The following CACNA2D1 variants were observed in gnomAD, a reference collection of about 807,000 sequenced individuals.
CACNA2D1 encodes calcium voltage-gated channel auxiliary subunit alpha2delta 1.
A neutral mutation model predicts 171.5 loss-of-function variants in CACNA2D1; 53 were observed. The ratio of observed to expected loss-of-function variants is 0.31; its 90% CI spans 0.25 to 0.39. The LOEUF is 0.39. Among genes scored for constraint, CACNA2D1 ranks in the 10% least tolerant of loss-of-function variants. The pLI is 1.00. For synonymous variants in CACNA2D1, 442 were observed against 443.1 expected, an observed-to-expected ratio of 1.00 and a Z score of 0.03; for missense variants, 903 against 1,299.8, an observed-to-expected ratio of 0.69 and a Z score of 4.69.
chr7:82,011,177 C>A (rs1378554968), intron 15 of CACNA2D1, among the ~76,000 whole-genome samples: 3 of 152,166 alleles, frequency 2.0e-5, no homozygotes, highest in African/African-American at 7.2e-5. Flanking sequence ...TCTGTCCACT[C>A]AGGGGTGTCC....
intron 1 of CACNA2D1, among the ~76,000 whole-genome samples, chr7:82,388,722 T>A (rs565654320): frequency 6.6e-6 from 1 of 152,334 alleles, no homozygotes; most frequent in South Asian, 2.1e-4. Context: ...TGCTTAAGTT[T>A]ACTGTAACAG....
At chr7:82,363,431 A>G (rs1017703885) in intron 1 of CACNA2D1, among the ~76,000 whole-genome samples, 12 of 151,536 alleles carry the variant, frequency 7.9e-5, no homozygotes, top group African/African-American at 2.9e-4. Flanking sequence ...CTTCCGGCTA[A>G]TTTTTTGTAG....
intron 5 of CACNA2D1, among the ~76,000 whole-genome samples, chr7:82,136,117 C>T (rs1791570779): frequency 6.6e-6 from 1 of 152,070 alleles, no homozygotes; most frequent in East Asian, 1.9e-4. Flanking sequence ...TAAATGTGTA[C>T]ATTAGAGTCA....
chr7:82,130,789 GTCTT>G (rs910306259), intron 5 of CACNA2D1, among the ~76,000 whole-genome samples: 1 of 120,038 alleles, frequency 8.3e-6, no homozygotes, highest in Non-Finnish European at 1.7e-5. Flanking sequence ...TGTTGTTTTT[GTCTT>G]TTTTTTTTTT....
Position 81,950,448 on chromosome 7 carries a change from C to T in CACNA2D1, c.3220G>A (p.Gly1074Arg). The stretch of plus-strand genomic sequence containing the variant: ...AGCCAAAGTAGTAGAAACTGGATTC[C>T]AATGATATACCACAGGGAGGGATTT... ...GLNPSLWYIIGIQFLLLWLVS... is the reference protein window; with the variant it reads ...GLNPSLWYIIRIQFLLLWLVS... Residue 1074 changes from glycine (G) to arginine (R), a missense_variant, in exon 39 of 39, where the codon GGA becomes AGA. This residue lies in a region of CACNA2D1 where 38 missense variants were observed against 29.2 expected (regional missense o/e 1.30). Transcript: ENST00000356860. 6.2e-7 allele frequency: 1 copy of T among 1,612,870 alleles called. No individual in the cohort carries two copies. Among genetic ancestry groups the T allele is most frequent in the Non-Finnish European group, 8.5e-7 (1 of 1,179,546 alleles).
intron 2 of CACNA2D1, among the ~76,000 whole-genome samples, chr7:82,339,692 G>A (rs1428671154): frequency 1.3e-5 from 2 of 152,180 alleles, no homozygotes; most frequent in East Asian, 3.9e-4. Context: ...TGGATCAAAG[G>A]TTTAAGTAGA....
At chr7:82,286,331 C>T (rs970950603) in intron 3 of CACNA2D1, among the ~76,000 whole-genome samples, 1 of 152,052 alleles carries the variant, frequency 6.6e-6, no homozygotes, top group Non-Finnish European at 1.5e-5. Flanking sequence ...CCCTCATACT[C>T]GCTATTTTTC....
At chr7:82,309,179 G>A (rs1029594313) in intron 3 of CACNA2D1, among the ~76,000 whole-genome samples, 1 of 152,132 alleles carries the variant, frequency 6.6e-6, no homozygotes, top group Non-Finnish European at 1.5e-5. Context: ...ACCGAGGCGG[G>A]TGGATCACCT....
At chr7:82,348,313 T>C (rs1047152884) in intron 2 of CACNA2D1, among the ~76,000 whole-genome samples, 29 of 152,208 alleles carry the variant, frequency 1.9e-4, no homozygotes, top group Admixed American at 1.4e-3. Context: ...CAGTGAATCA[T>C]TGCAGATCCC....
At chr7:82,305,938 T>C (rs1813678649) in intron 3 of CACNA2D1, among the ~76,000 whole-genome samples, 1 of 152,170 alleles carries the variant, frequency 6.6e-6, no homozygotes, top group Admixed American at 6.5e-5. Flanking sequence ...TACCCAGGTG[T>C]CTATCTGTGG....
chr7:82,276,195 AT>A (rs1438120271), intron 3 of CACNA2D1, among the ~76,000 whole-genome samples: 3 of 152,186 alleles, frequency 2.0e-5, no homozygotes, highest in African/African-American at 7.2e-5. Flanking sequence ...AGTTTTATTT[AT>A]TTGTTGTTGT....
chr7:82,442,284 T>C (rs1225654519), intron 1 of CACNA2D1, among the ~76,000 whole-genome samples: 1 of 152,218 alleles, frequency 6.6e-6, no homozygotes, highest in Non-Finnish European at 1.5e-5. Context: ...GGACAGCAAG[T>C]AATTCCCAGC....
chr7:82,239,580 TTTTCACTA>T (rs1311292889), intron 3 of CACNA2D1, among the ~76,000 whole-genome samples: 10 of 152,162 alleles, frequency 6.6e-5, no homozygotes, highest in Admixed American at 5.2e-4. Flanking sequence ...GCTTCAAAGC[TTTTCACTA>T]GAAAGAGACA....
At chr7:82,394,189 C>CT (rs2129451030) in intron 1 of CACNA2D1, among the ~76,000 whole-genome samples, 1 of 152,214 alleles carries the variant, frequency 6.6e-6, no homozygotes, top group South Asian at 2.1e-4. Context: ...AGACACATTT[C>CT]TTGATACGTC....
At chr7:82,134,473 CTT>C (rs1791371864) in intron 5 of CACNA2D1, among the ~76,000 whole-genome samples, 3 of 152,174 alleles carry the variant, frequency 2.0e-5, no homozygotes, top group Non-Finnish European at 2.9e-5. Context: ...AAACAACACT[CTT>C]TGCGAATTAT....
At chr7:82,366,262 G>T (rs1224520106) in intron 1 of CACNA2D1, among the ~76,000 whole-genome samples, 2 of 152,098 alleles carry the variant, frequency 1.3e-5, no homozygotes, top group African/African-American at 4.8e-5. Context: ...ATATATGCAG[G>T]TTTGTTATAT....
intron 5 of CACNA2D1, among the ~76,000 whole-genome samples, chr7:82,121,272 G>C (rs1001626360): frequency 2.0e-5 from 3 of 152,004 alleles, no homozygotes; most frequent in Non-Finnish European, 4.4e-5. Flanking sequence ...GTCCAGGCTG[G>C]TCTCAAACTC....
At chr7:82,146,713 G>A (rs986893437) in intron 4 of CACNA2D1, among the ~76,000 whole-genome samples, 5 of 150,830 alleles carry the variant, frequency 3.3e-5, no homozygotes, top group African/African-American at 7.3e-5. Context: ...TCGGCCAGGC[G>A]CCTTGACTCA....
chr7:82,419,893 A>T (rs1828558031), intron 1 of CACNA2D1, among the ~76,000 whole-genome samples: 1 of 152,188 alleles, frequency 6.6e-6, no homozygotes, highest in South Asian at 2.1e-4. Context: ...CTCAGGAGAC[A>T]TCTGATGATA....
Sources: allele counts gnomAD v4.1 joint callset (sites outside exome capture counted in the v4.1 genomes callset), GRCh38; gene constraint gnomAD v4.1.1; regional missense constraint gnomAD v4.1.1; transcripts MANE v1.5; gene names NCBI Gene and HGNC (gene_info 2026-07-23, HGNC 2026-07-21).